NEK11: variants seen among roughly 807,000 people sequenced by gnomAD.
NEK11 encodes the protein NIMA related kinase 11, also known as serine/threonine-protein kinase Nek11.
In NEK11, 72 loss-of-function variants were observed where a neutral mutation model predicts 80.7. That is an observed-to-expected ratio of 0.89 (90% CI 0.74 to 1.08). The LOEUF is 1.08. Among genes scored for constraint, NEK11 ranks in the 50% least tolerant of loss-of-function variants. The pLI is 0.00. For missense variants in NEK11, 764 were observed against 763.6 expected, an observed-to-expected ratio of 1.00 and a Z score of -0.01; for synonymous variants, 251 against 260.7, an observed-to-expected ratio of 0.96 and a Z score of 0.36.
intron 17 of NEK11, among the ~76,000 whole-genome samples, chr3:131,337,588 A>G (rs1208395605): frequency 2.6e-5 from 4 of 152,060 alleles, no homozygotes; most frequent in African/African-American, 9.7e-5. Context: ...CACATTGTGC[A>G]CATGTACCCT....
rs1393271922 is a variant in NEK11, at chr3:131,116,475, C to T, written c.455+6554C>T. Among the ~76,000 whole-genome samples, 7 of 152,246 alleles carry T rather than the reference C, an allele frequency of 4.6e-5. No individual in the cohort carries two copies. In the East Asian group the frequency reaches 1.4e-3, roughly 29 times the overall value. The stretch of plus-strand genomic sequence containing the variant: ...CTTTATAGCAGCATGATTTGTAATC[C>T]TTTGGGTATATACCCAGTAATGGGA... On this transcript the variant is annotated intron_variant, in intron 5 of 17. Coordinates refer to ENST00000383366, the MANE Select transcript of NEK11 (RefSeq NM_024800.5).
intron 3 of NEK11, among the ~76,000 whole-genome samples, chr3:131,046,002 T>C (rs2067330618): frequency 6.6e-6 from 1 of 152,200 alleles, no homozygotes; most frequent in Admixed American, 6.5e-5. Context: ...TGAGTTCTTA[T>C]GCATTAGGTG....
At chr3:131,203,611 G>A (rs987318099) in intron 14 of NEK11, among the ~76,000 whole-genome samples, 11 of 148,014 alleles carry the variant, frequency 7.4e-5, no homozygotes, top group East Asian at 5.9e-4. Context: ...CTTCAGCTCC[G>A]CTGAAACAAA....
intron 14 of NEK11, among the ~76,000 whole-genome samples, chr3:131,204,157 A>G (rs140593652): frequency 7.2e-4 from 109 of 152,168 alleles, no homozygotes; most frequent in Admixed American, 1.8e-3. Context: ...AAAAGGATGG[A>G]GTTTGCCCAG....
chr3:131,278,579 C>A (rs75239750), intron 17 of NEK11, among the ~76,000 whole-genome samples: 3,163 of 151,792 alleles, frequency 0.021, 91 homozygotes, highest in African/African-American at 0.071. Context: ...TTTTTTTACA[C>A]CTCAAGCCAG....
At chr3:131,144,806 T>C (rs769305851) in intron 7 of NEK11, among the ~76,000 whole-genome samples, 3 of 152,122 alleles carry the variant, frequency 2.0e-5, no homozygotes, top group African/African-American at 7.2e-5. Flanking sequence ...ATAAATGAAG[T>C]CTTCTCTACG....
At chr3:131,146,974 A>G (rs146602720) in intron 7 of NEK11, among the ~76,000 whole-genome samples, 2 of 152,076 alleles carry the variant, frequency 1.3e-5, no homozygotes, top group African/African-American at 4.8e-5. Context: ...ATCTTACACT[A>G]TGTGTCTTCC....
chr3:131,169,000 A>T, intron 13 of NEK11, 63 bp downstream of exon 13: 1 of 1,284,790 alleles, frequency 7.8e-7, no homozygotes, highest in Non-Finnish European at 1.1e-6. Context: ...CAGAGAACAA[A>T]GGGGAAAGAA....
chr3:131,216,746 G>A (rs1255845312), intron 14 of NEK11, among the ~76,000 whole-genome samples: 1 of 152,186 alleles, frequency 6.6e-6, no homozygotes, highest in Non-Finnish European at 1.5e-5. Context: ...TTCACTGGGG[G>A]CTGTCCATAT....
At chr3:131,124,546 CCCCA>C (rs2082958727) in intron 5 of NEK11, among the ~76,000 whole-genome samples, 2 of 152,084 alleles carry the variant, frequency 1.3e-5, no homozygotes, top group African/African-American at 4.8e-5. Flanking sequence ...GGCTGAGCCT[CCCCA>C]GAGGCTCATG....
intron 3 of NEK11, among the ~76,000 whole-genome samples, chr3:131,076,715 C>T (rs1223757429): frequency 6.6e-6 from 1 of 152,212 alleles, no homozygotes; most frequent in Non-Finnish European, 1.5e-5. Flanking sequence ...AGAAAGGCCT[C>T]AGACATCCTT....
intron 3 of NEK11, among the ~76,000 whole-genome samples, chr3:131,037,774 TCTTTA>T (rs1560118353): frequency 6.7e-6 from 1 of 149,476 alleles, no homozygotes; most frequent in African/African-American, 2.6e-5. Context: ...TTTTAACATA[TCTTTA>T]CTTTCAATTT....
intron 3 of NEK11, among the ~76,000 whole-genome samples, chr3:131,066,526 A>G (rs1375215398): frequency 1.3e-5 from 2 of 152,082 alleles, no homozygotes; most frequent in East Asian, 3.9e-4. Flanking sequence ...AGATAGTTAG[A>G]TGCCCGGGAT....
chr3:131,111,809 A>G (rs960667850), intron 5 of NEK11, among the ~76,000 whole-genome samples: 4 of 152,210 alleles, frequency 2.6e-5, no homozygotes, highest in African/African-American at 9.6e-5. Flanking sequence ...GGTAGAAAAT[A>G]TGCATTCAGA....
intron 3 of NEK11, among the ~76,000 whole-genome samples, chr3:131,065,706 G>C (rs1176052231): frequency 6.6e-6 from 1 of 152,104 alleles, no homozygotes; most frequent in Non-Finnish European, 1.5e-5. Flanking sequence ...TGATTTTCCT[G>C]ACTCTAACTA....
intron 5 of NEK11, among the ~76,000 whole-genome samples, chr3:131,114,647 G>C (rs1251562316): frequency 6.6e-6 from 1 of 152,160 alleles, no homozygotes; most frequent in East Asian, 1.9e-4. Flanking sequence ...ATGTCAGAGG[G>C]GGTGGAGATG....
chr3:131,265,372 A>G lies in NEK11; in HGVS notation c.1622-8106A>G, dbSNP rs189077135. On this transcript the variant is annotated intron_variant, in intron 16 of 17. Transcript: ENST00000383366. ...GGGTTTGTCATAAATAGCTTTTATT[A>G]TTTTGAGATATGTTCCATCAAAACT... Among the ~76,000 whole-genome samples, 121 of 152,246 alleles carry G rather than the reference A, an allele frequency of 7.9e-4. 1 individual carries two copies. The highest frequency in any genetic ancestry group is 2.7e-3 in the African/African-American group (113 of 41,550).
chr3:131,239,302 G>A (rs1252839927), intron 15 of NEK11, among the ~76,000 whole-genome samples: 2 of 152,110 alleles, frequency 1.3e-5, no homozygotes, highest in East Asian at 3.9e-4. Context: ...ACGTGCCTGG[G>A]GTCTGAGCAA....
chr3:131,208,857 A>G (rs566597359), intron 14 of NEK11, among the ~76,000 whole-genome samples: 1 of 152,218 alleles, frequency 6.6e-6, no homozygotes, highest in Non-Finnish European at 1.5e-5. Context: ...GTTTAAGGAG[A>G]TTTTGGGCTG....
Sources: gnomAD v4.1 joint callset for allele counts (sites outside exome capture counted in the v4.1 genomes callset) on GRCh38, gnomAD v4.1.1 for gene constraint, MANE v1.5 for transcripts, NCBI Gene and HGNC (gene_info 2026-07-23, HGNC 2026-07-21) for gene names.